NEGR1: variants seen among roughly 807,000 people sequenced by gnomAD.
The protein encoded by NEGR1 is neuronal growth regulator 1.
NEGR1 carries 10 observed loss-of-function variants against 40.9 expected under a neutral mutation model. The ratio of observed to expected loss-of-function variants is 0.24; its 90% CI spans 0.15 to 0.42. The LOEUF is 0.42. Ranked by LOEUF, NEGR1 falls within the 10% of genes least tolerant of loss-of-function variation. The pLI, the probability that NEGR1 is intolerant of heterozygous loss-of-function variation, is 1.00. For synonymous variants in NEGR1, 185 were observed against 166.8 expected (o/e 1.11, Z -0.84); for missense variants, 352 against 438.9 (o/e 0.80, Z 1.77).
intron 1 of NEGR1, among the ~76,000 whole-genome samples, chr1:72,196,901 A>G (rs1163765067): frequency 1.3e-5 from 2 of 152,098 alleles, no homozygotes; most frequent in East Asian, 1.9e-4. Context: ...TAAAATTTTA[A>G]TAACCATTTT....
chr1:71,542,360 C>T (rs1647736212), intron 6 of NEGR1, among the ~76,000 whole-genome samples: 1 of 151,658 alleles, frequency 6.6e-6, no homozygotes, highest in African/African-American at 2.4e-5. Context: ...TTTGCTGGTA[C>T]GAGCCTGTTG....
chr1:72,193,974 C>T (rs1000767996), intron 1 of NEGR1, among the ~76,000 whole-genome samples: 4 of 151,632 alleles, frequency 2.6e-5, no homozygotes, highest in African/African-American at 9.7e-5. Flanking sequence ...TGATCTTGAT[C>T]TAAGGTATCA....
rs1049418856 is a variant in NEGR1 at position 71,402,419 on chromosome 1, G to C, written c.*5027C>G. ...CTGAAGGAAAGCCCTGGGAGAGATT[G>C]GTCTAGCTTTAGGATGACTGTGGGT... On this transcript the variant is annotated 3_prime_UTR_variant, in exon 7 of 7. Transcript: ENST00000357731. 6.6e-6 allele frequency: 1 copy of C among 152,128 alleles called. No homozygotes were observed. Among genetic ancestry groups the C allele is most frequent in the Admixed American group, 6.6e-5 (1 of 15,262 alleles). 9.4% of individuals were successfully genotyped at this position (152,128 alleles called of 1,614,324 possible). A position where few individuals can be genotyped will look rare whatever the true frequency, so the allele number is the denominator to read the frequency against.
chr1:71,739,625 A>G (rs1655153274), intron 3 of NEGR1, among the ~76,000 whole-genome samples: 1 of 152,114 alleles, frequency 6.6e-6, no homozygotes, highest in Non-Finnish European at 1.5e-5. Flanking sequence ...AAAAAATTCT[A>G]GGAGTATCAA....
At chr1:71,993,803 G>C (rs1017196272) in intron 1 of NEGR1, among the ~76,000 whole-genome samples, 4 of 151,810 alleles carry the variant, frequency 2.6e-5, no homozygotes, top group Non-Finnish European at 5.9e-5. Flanking sequence ...TTATCAAGTG[G>C]TAGATCTGAA....
In NEGR1 at chr1:71,611,126, T is replaced by G; in HGVS notation, c.688A>C (p.Ile230Leu). ...VVNFAPTIQE[I>L]KSGTVTPGRS... ...CCGGGGGTCACGGTGCCAGATTTAA[T>G]TTCCTGAATAGTAGGAGCAACTGCA... The change falls in exon 5 of 7, where the codon ATT (isoleucine) becomes CTT (leucine). Residue 230 changes from isoleucine (I) to leucine (L), a missense_variant. Ile to Leu is a conservative substitution (Grantham distance 5, BLOSUM62 2). Coordinates refer to ENST00000357731, the MANE Select transcript of NEGR1 (RefSeq NM_173808.3). 1 of 1,614,002 alleles carries G rather than the reference T, an allele frequency of 6.2e-7. No individual in the cohort carries two copies. The highest frequency in any genetic ancestry group is 2.2e-5 in the East Asian group (1 of 44,876).
At chr1:71,414,714 T>C (rs1339007544) in intron 6 of NEGR1, among the ~76,000 whole-genome samples, 1 of 152,174 alleles carries the variant, frequency 6.6e-6, no homozygotes, top group Non-Finnish European at 1.5e-5. Context: ...CTGTAGACCC[T>C]CTGTAGTCTT....
intron 1 of NEGR1, among the ~76,000 whole-genome samples, chr1:72,197,485 G>A (rs75400655): frequency 6.6e-6 from 1 of 151,844 alleles, no homozygotes; most frequent in Non-Finnish European, 1.5e-5. Flanking sequence ...TATAATAAAT[G>A]AACTAGATTA....
At chr1:71,832,795 T>C (rs1359119872) in intron 2 of NEGR1, among the ~76,000 whole-genome samples, 3 of 152,066 alleles carry the variant, frequency 2.0e-5, no homozygotes, top group Non-Finnish European at 4.4e-5. Flanking sequence ...TGCATTGCCA[T>C]GATTACATAA....
chr1:71,581,278 C>G (rs761854057), intron 6 of NEGR1, among the ~76,000 whole-genome samples: 6 of 152,068 alleles, frequency 3.9e-5, no homozygotes, highest in Non-Finnish European at 8.8e-5. Flanking sequence ...TGATTTATTG[C>G]TTAGTTCATT....
chr1:71,435,471 C>G (rs1007957888), intron 6 of NEGR1, among the ~76,000 whole-genome samples: 25 of 151,660 alleles, frequency 1.6e-4, no homozygotes, highest in African/African-American at 5.3e-4. Context: ...AAGGAAATCA[C>G]TAAGGAGAAA....
chr1:71,513,000 G>A (rs1471350742), intron 6 of NEGR1, among the ~76,000 whole-genome samples: 6 of 151,868 alleles, frequency 4.0e-5, no homozygotes, highest in South Asian at 2.1e-4. Flanking sequence ...ATATAACATC[G>A]ACAAAAAATA....
At chr1:72,141,102 A>C (rs1650661030) in intron 1 of NEGR1, among the ~76,000 whole-genome samples, 1 of 152,006 alleles carries the variant, frequency 6.6e-6, no homozygotes, top group Non-Finnish European at 1.5e-5. Context: ...GTAGATTAAG[A>C]ATGGTATATG....
chr1:71,660,354 G>T (rs1300402051), intron 4 of NEGR1, among the ~76,000 whole-genome samples: 1 of 151,546 alleles, frequency 6.6e-6, no homozygotes, highest in Non-Finnish European at 1.5e-5. Context: ...AGGGAGAAAA[G>T]CAGAAAAGAT....
intron 2 of NEGR1, among the ~76,000 whole-genome samples, chr1:71,915,582 T>C (rs1244211069): frequency 1.3e-5 from 2 of 152,160 alleles, no homozygotes; most frequent in Non-Finnish European, 2.9e-5. Context: ...AATTCTATAA[T>C]GTGGGTTTCA....
chr1:72,223,605 C>CA, intron 1 of NEGR1, among the ~76,000 whole-genome samples: 1 of 152,036 alleles, frequency 6.6e-6, no homozygotes, highest in Admixed American at 6.6e-5. Context: ...CTTATAAATG[C>CA]AAAAAGTTGA....
intron 2 of NEGR1, among the ~76,000 whole-genome samples, chr1:71,934,532 G>A (rs1198520878): frequency 1.3e-5 from 2 of 152,136 alleles, no homozygotes; most frequent in Non-Finnish European, 2.9e-5. Flanking sequence ...TTGAGACAGA[G>A]TATTTGAATG....
intron 1 of NEGR1, among the ~76,000 whole-genome samples, chr1:72,279,696 G>A (rs1656178763): frequency 6.6e-6 from 1 of 152,062 alleles, no homozygotes; most frequent in Admixed American, 6.6e-5. Context: ...ATTAAAAAAC[G>A]ATGCATCACC....
At chr1:72,110,849 A>T (rs1012593159) in intron 1 of NEGR1, among the ~76,000 whole-genome samples, 3 of 151,582 alleles carry the variant, frequency 2.0e-5, no homozygotes, top group African/African-American at 4.8e-5. Flanking sequence ...ATAAATTCCG[A>T]CAATTTATTA....
Sources: allele counts gnomAD v4.1 joint callset (sites outside exome capture counted in the v4.1 genomes callset), GRCh38; gene constraint gnomAD v4.1.1; transcripts MANE v1.5; gene names NCBI Gene and HGNC (gene_info 2026-07-23, HGNC 2026-07-21).